SLTM: variants seen among roughly 807,000 people sequenced by gnomAD.
SLTM encodes the protein SAFB like transcription modulator, also known as SAFB-like transcription modulator.
In SLTM, 43 loss-of-function variants were observed where a neutral mutation model predicts 134.6. The observed-to-expected ratio is 0.32, with a 90% CI of 0.25 to 0.41. SLTM has a LOEUF of 0.41. Among genes scored for constraint, SLTM ranks in the 10% least tolerant of loss-of-function variants. The pLI is 1.00. For synonymous variants in SLTM, 424 were observed against 432.3 expected, an observed-to-expected ratio of 0.98 and a Z score of 0.24; for missense variants, 1,055 against 1,288.8, an observed-to-expected ratio of 0.82 and a Z score of 2.78.
chr15:58,886,232 TG>T (rs1768690810), intron 19 of SLTM, among the ~76,000 whole-genome samples: 1 of 123,588 alleles, frequency 8.1e-6, no homozygotes, highest in African/African-American at 3.3e-5. Context: ...TGTGTGTGTG[TG>T]TGTGTGTGTG....
intron 5 of SLTM, among the ~76,000 whole-genome samples, chr15:58,902,032 TTTGGCTAAAATTAAAA>T (rs1297847692): frequency 2.0e-5 from 3 of 152,122 alleles, no homozygotes; most frequent in Non-Finnish European, 4.4e-5. Flanking sequence ...TATTTGACAG[TTTGGCTAAAATTAAAA>T]TTAAGAATGT....
At chr15:58,917,846 T>C (rs2036755513) in intron 2 of SLTM, among the ~76,000 whole-genome samples, 1 of 152,048 alleles carries the variant, frequency 6.6e-6, no homozygotes, top group African/African-American at 2.4e-5. Flanking sequence ...CCCTCCTGGG[T>C]TCAAGAGATT....
At chr15:58,902,799 C>T (rs1056288882) in intron 5 of SLTM, among the ~76,000 whole-genome samples, 38 of 151,808 alleles carry the variant, frequency 2.5e-4, no homozygotes, top group African/African-American at 9.0e-4. Flanking sequence ...TCTCAGCTCA[C>T]TGCAACCTCC....
intron 6 of SLTM, chr15:58,900,946 G>C (rs2035445412): frequency 3.7e-6 from 1 of 273,438 alleles, no homozygotes; most frequent in African/African-American, 2.3e-5. Flanking sequence ...TGCAGTGTCA[G>C]TCTTAAGAAT....
At position 58,879,543 on chromosome 15, in the gene SLTM, A is replaced by C. The variant is rs2033530540; in HGVS notation, c.*456T>G. ...AAAATAGGTTACATAATACTCAGAA[A>C]TGCAATGAACAATCTTATTCTCTAA... On this transcript the variant is annotated 3_prime_UTR_variant, in exon 21 of 21. Transcript: ENST00000380516. 6.5e-6 allele frequency: 1 copy of C among 153,316 alleles called. No individual in the cohort carries two copies. The highest frequency in any genetic ancestry group is 1.5e-5 in the Non-Finnish European group (1 of 68,540). The allele number at this position is 153,316 out of a possible 1,614,324, so 9.5% of individuals were successfully genotyped here. A position where few individuals can be genotyped will look rare whatever the true frequency, so the allele number is the denominator to read the frequency against.
At chr15:58,918,381 T>C (rs1245560778) in intron 2 of SLTM, among the ~76,000 whole-genome samples, 1 of 152,214 alleles carries the variant, frequency 6.6e-6, no homozygotes, top group Admixed American at 6.5e-5. Context: ...GCCGTTGGAA[T>C]AAATATTTTA....
At chr15:58,920,612 G>A (rs1002832174) in intron 2 of SLTM, among the ~76,000 whole-genome samples, 2 of 143,158 alleles carry the variant, frequency 1.4e-5, no homozygotes, top group Non-Finnish European at 3.0e-5. Flanking sequence ...AATGGAATGG[G>A]ACTCCATCTC....
chr15:58,904,507 C>T (rs554788288), intron 5 of SLTM, among the ~76,000 whole-genome samples: 6 of 151,300 alleles, frequency 4.0e-5, no homozygotes, highest in Admixed American at 2.0e-4. Context: ...AGTGTAAATT[C>T]GATCACTATC....
chr15:58,894,560 G>C lies in SLTM; in HGVS notation c.1250C>G (p.Thr417Arg), dbSNP rs2034921089. The C allele has an allele frequency of 1.2e-6, 2 of 1,614,116 alleles. No homozygotes were observed. The highest frequency in any genetic ancestry group is 1.7e-5 in the Admixed American group (1 of 60,028). Residue 417 changes from threonine to arginine, a missense_variant, in exon 10 of 21, where the codon ACA (threonine) becomes AGA (arginine). By Grantham distance (71) the Thr-to-Arg change is moderately conservative. This residue lies in a region of SLTM where 776 missense variants were observed against 962.2 expected (regional missense o/e 0.81). Coordinates refer to ENST00000380516, the MANE Select transcript of SLTM (RefSeq NM_024755.4). ...TTTTGCCCCAGGACTTCGAGCATTTGTAACTACTTTTGCACTCAGAACCTA... is the reference window on the plus strand; with the variant it reads ...TTTTGCCCCAGGACTTCGAGCATTTCTAACTACTTTTGCACTCAGAACCTA... ...YGKVLSAKVV[T>R]NARSPGAKCY...
At chr15:58,902,894 T>C (rs767302833) in intron 5 of SLTM, among the ~76,000 whole-genome samples, 1 of 151,578 alleles carries the variant, frequency 6.6e-6, no homozygotes, top group African/African-American at 2.4e-5. Context: ...CAGCTAATTT[T>C]TTATTATTAT....
At position 58,887,718 on chromosome 15, in the gene SLTM, T is replaced by A. The variant is rs577812383; in HGVS notation, c.2376-178A>T. 6.2e-6 allele frequency: 5 copies of A among 812,324 alleles called. No homozygotes were observed. In the African/African-American group the frequency reaches 9.3e-5, roughly 15 times the overall value. 50.3% of individuals were successfully genotyped at this position (812,324 alleles called of 1,614,324 possible). On this transcript the variant is annotated intron_variant, in intron 17 of 20. Coordinates refer to ENST00000380516, the MANE Select transcript of SLTM (RefSeq NM_024755.4). Reference sequence around the variant, plus strand: ...TCATTTTCTTTTAAACTGAACTAAGTGTCTAGCCTAAAGGTTGGTTTTTTA... The same window carrying A: ...TCATTTTCTTTTAAACTGAACTAAGAGTCTAGCCTAAAGGTTGGTTTTTTA...
In SLTM at chr15:58,913,889, G is replaced by A. The variant is rs146148801; in HGVS notation, c.316-193C>T. 685 of 458,158 alleles carry A rather than the reference G, an allele frequency of 1.5e-3. 8 individuals carry two copies. The highest frequency in any genetic ancestry group is 0.013 in the African/African-American group (642 of 49,838). The allele number at this position is 458,158 out of a possible 1,614,324, so 28.4% of individuals were successfully genotyped here. The stretch of plus-strand genomic sequence containing the variant: ...GTCTAATACCAAGATCATCAAACAC[G>A]AATCTGAGTTCTCAAATTTCTCACA... On this transcript the variant is annotated intron_variant, in intron 3 of 20. Transcript: ENST00000380516.
intron 16 of SLTM, chr15:58,889,206 A>G (rs866126953): frequency 2.2e-6 from 1 of 448,314 alleles, no homozygotes; most frequent in Admixed American, 3.8e-5. Flanking sequence ...ATTTCCAGTC[A>G]TAATGAAAAA....
At chr15:58,915,221 CAAAAACAAAAAA>C (rs771212530) in intron 3 of SLTM, among the ~76,000 whole-genome samples, 17 of 79,830 alleles carry the variant, frequency 2.1e-4, no homozygotes, top group South Asian at 1.1e-3. Flanking sequence ...AAAACAAAAA[CAAAAACAAAAAA>C]AAAGTTCCCT....
At position 58,889,440 on chromosome 15, in the gene SLTM, C is replaced by T. The variant is rs779292319; in HGVS notation, c.2194G>A (p.Val732Ile). The change falls in exon 16 of 21, where the codon GTA becomes ATA. Residue 732 changes from valine to isoleucine, a missense_variant. Val to Ile is a conservative substitution (Grantham distance 29, BLOSUM62 3). Coordinates refer to ENST00000380516, the MANE Select transcript of SLTM (RefSeq NM_024755.4). ...KRNSLKRPRD[V>I]DHRRDDPYWS... ...AAAATGAGTAACTACCTATGATCTA[C>T]ATCACGTGGGCGTTTCAAGGAATTC... 9.9e-6 allele frequency: 16 copies of T among 1,613,952 alleles called. No homozygotes were observed. Among genetic ancestry groups the T allele is most frequent in the Admixed American group, 1.7e-5 (1 of 60,026 alleles).
rs1166735743 is a variant in SLTM at position 58,883,468 on chromosome 15, AACACTCTTTTGGAGACT to A, written c.2996+141_2996+157del. The A allele has an allele frequency of 1.1e-5, 10 of 906,694 alleles. No homozygotes were observed. In the East Asian group the frequency reaches 2.5e-4, roughly 23 times the overall value. The allele number at this position is 906,694 out of a possible 1,614,324, so 56.2% of individuals were successfully genotyped here. On this transcript the variant is annotated intron_variant, in intron 20 of 20. Coordinates refer to ENST00000380516, the MANE Select transcript of SLTM (RefSeq NM_024755.4). ...ACACATTAATATCAGCTGTTCTGCA[AACACTCTTTTGGAGACT>A]ACGGGTTGATACAGGGAAATGTTCA...
chr15:58,930,803 T>C (rs1325930313), intron 2 of SLTM, among the ~76,000 whole-genome samples: 1 of 150,014 alleles, frequency 6.7e-6, no homozygotes, highest in African/African-American at 2.4e-5. Context: ...TAAAATGTAT[T>C]GAAAAAACCC....
At chr15:58,919,431 CA>C (rs55753007) in intron 2 of SLTM, among the ~76,000 whole-genome samples, 2 of 151,528 alleles carry the variant, frequency 1.3e-5, no homozygotes, top group Admixed American at 6.6e-5. Context: ...CCTATCTCTT[CA>C]AAAAAAAATT....
At chr15:58,922,558 T>TATAC (rs1467085480) in intron 2 of SLTM, among the ~76,000 whole-genome samples, 23 of 6,048 alleles carry the variant, frequency 3.8e-3, no homozygotes, top group African/African-American at 0.019. Context: ...GTATATAATA[T>TATAC]GTATATAATA....
Sources: allele counts gnomAD v4.1 joint callset (sites outside exome capture counted in the v4.1 genomes callset), GRCh38; gene constraint gnomAD v4.1.1; regional missense constraint gnomAD v4.1.1; transcripts MANE v1.5; gene names NCBI Gene and HGNC (gene_info 2026-07-23, HGNC 2026-07-21).